The following PCDH11X variants were observed in gnomAD, a reference collection of about 807,000 sequenced individuals.
PCDH11X encodes protocadherin 11 X-linked, also known as protocadherin-11 X-linked.
Under a neutral mutation model 53.3 loss-of-function variants are expected in PCDH11X, and 18 were observed. The observed-to-expected ratio is 0.34, with a 90% CI of 0.23 to 0.50. The LOEUF is 0.50. Among genes scored for constraint, PCDH11X ranks in the 20% least tolerant of loss-of-function variants. The probability of loss-of-function intolerance (pLI) is 0.98; values close to 1 mark genes in which losing one functional copy is unlikely to be tolerated. For missense variants in PCDH11X, 570 were observed against 1,032.4 expected, an observed-to-expected ratio of 0.55 and a Z score of 6.14; for synonymous variants, 279 against 393.3, an observed-to-expected ratio of 0.71 and a Z score of 3.44.
At chrX:92,353,972 A>G (rs1307397163) in intron 8 of PCDH11X, among the ~76,000 whole-genome samples, 28 of 91,076 alleles carry the variant, frequency 3.1e-4, no homozygotes, top group Admixed American at 1.7e-3. Context: ...TCTCTACTGT[A>G]TATGATTCAT....
At chrX:91,952,754 C>T (rs964001180) in intron 6 of PCDH11X, among the ~76,000 whole-genome samples, 3 of 111,744 alleles carry the variant, frequency 2.7e-5, no homozygotes, top group African/African-American at 9.8e-5. Flanking sequence ...TTTGTTGCAG[C>T]ATTGTTTACA....
Position 91,983,200 on chromosome X carries a change from G to A in PCDH11X, c.3033+103927G>A, listed in dbSNP as rs759810978. ...TTTTTCCCCCAGTCTTAGGTAAGAA[G>A]GATGAATCGAAGGTCAGCTTCAGTC... On this transcript the variant is annotated intron_variant, in intron 6 of 10. Coordinates refer to ENST00000682573, the MANE Select transcript of PCDH11X (RefSeq NM_032968.5). The A allele has an allele frequency of 1.1e-4, 89 of 832,271 alleles. No homozygotes were observed. In the African/African-American group the frequency reaches 1.6e-3, roughly 15 times the overall value. The allele number at this position is 832,271 out of a possible 1,213,427, so 68.6% of individuals were successfully genotyped here.
intron 7 of PCDH11X, among the ~76,000 whole-genome samples, chrX:92,250,793 G>A (rs2067445925): frequency 9.2e-6 from 1 of 109,182 alleles, no homozygotes; most frequent in African/African-American, 3.3e-5. Flanking sequence ...TGCAGAACAG[G>A]GTAATTTATA....
chrX:92,597,290 G>T (rs1483078692), intron 10 of PCDH11X, among the ~76,000 whole-genome samples: 3 of 100,175 alleles, frequency 3.0e-5, no homozygotes, highest in Non-Finnish European at 6.0e-5. Context: ...ACTAAAGAGT[G>T]CAAAAAAACC....
chrX:92,383,089 T>A (rs2070920037), intron 8 of PCDH11X, among the ~76,000 whole-genome samples: 1 of 108,864 alleles, frequency 9.2e-6, no homozygotes, highest in African/African-American at 3.3e-5. Context: ...ATAAGTACAG[T>A]TTTATTGGAA....
intron 5 of PCDH11X, among the ~76,000 whole-genome samples, chrX:91,875,336 G>T (rs1487836015): frequency 1.0e-5 from 1 of 97,813 alleles, no homozygotes; most frequent in Non-Finnish European, 2.0e-5. Context: ...AGGCTGGAGT[G>T]CAGTGGCGCC....
chrX:92,197,374 T>C (rs1286765680), intron 6 of PCDH11X, among the ~76,000 whole-genome samples: 1 of 111,723 alleles, frequency 9.0e-6, no homozygotes, highest in African/African-American at 3.2e-5. Context: ...CCTGTAACAT[T>C]ATAAAAATTA....
chrX:92,405,788 T>G, intron 9 of PCDH11X, among the ~76,000 whole-genome samples: 1 of 110,409 alleles, frequency 9.1e-6, no homozygotes, highest in South Asian at 3.9e-4. Flanking sequence ...TTACAACAGA[T>G]AATTTCTGTT....
intron 7 of PCDH11X, among the ~76,000 whole-genome samples, chrX:92,227,294 A>AT (rs1398544024): frequency 2.0e-4 from 22 of 108,855 alleles, no homozygotes; most frequent in South Asian, 7.8e-4. Flanking sequence ...TCTGTTTTCT[A>AT]TTTTTTTTTC....
chrX:91,848,027 C>T (rs1193793822), intron 5 of PCDH11X, among the ~76,000 whole-genome samples: 1 of 111,132 alleles, frequency 9.0e-6, no homozygotes, highest in Non-Finnish European at 1.9e-5. Flanking sequence ...CAATGTGTGA[C>T]CGAGTTTCTC....
chrX:92,079,535 C>A (rs1374698545), intron 6 of PCDH11X, among the ~76,000 whole-genome samples: 1 of 109,649 alleles, frequency 9.1e-6, no homozygotes. Flanking sequence ...TGTCCTCAGG[C>A]AAGTCACTTA....
In PCDH11X at chrX:92,232,366, A is replaced by G. The variant is rs755543307; in HGVS notation, c.3115-30748A>G. 4.5e-5 allele frequency among the ~76,000 whole-genome samples: 5 copies of G among 111,947 alleles called. No homozygotes were observed. In the South Asian group the frequency reaches 1.9e-3, roughly 42 times the overall value. On this transcript the variant is annotated intron_variant, in intron 7 of 10. Coordinates refer to ENST00000682573, the MANE Select transcript of PCDH11X (RefSeq NM_032968.5). ...ACTAGAGTATATTGTCATGTACTAT[A>G]GTGAACCACTAGATGGTGCACTCTG...
At chrX:92,319,482 G>A (rs779121425) in intron 8 of PCDH11X, among the ~76,000 whole-genome samples, 11 of 111,807 alleles carry the variant, frequency 9.8e-5, no homozygotes, top group Non-Finnish European at 1.9e-4. Flanking sequence ...ATGAGACCAC[G>A]GCCGTAGAAT....
chrX:92,258,206 G>A (rs1336912719), intron 7 of PCDH11X, among the ~76,000 whole-genome samples: 2 of 110,821 alleles, frequency 1.8e-5, no homozygotes, highest in African/African-American at 6.6e-5. Context: ...GCTGTGCAGT[G>A]CAGCAGGGTC....
intron 6 of PCDH11X, among the ~76,000 whole-genome samples, chrX:91,997,778 G>T (rs1238778255): frequency 9.0e-6 from 1 of 111,349 alleles, no homozygotes; most frequent in Non-Finnish European, 1.9e-5. Context: ...AAAAGAGTTT[G>T]TGAGGGATTG....
intron 6 of PCDH11X, among the ~76,000 whole-genome samples, chrX:91,946,248 C>T: frequency 9.3e-6 from 1 of 107,988 alleles, no homozygotes; most frequent in Middle Eastern, 4.8e-3. Flanking sequence ...TGGAAGTGCA[C>T]ATTTATTTTG....
At position 92,558,040 on chromosome X, in the gene PCDH11X, C is replaced by T. The variant is rs180928732; in HGVS notation, c.3368-60224C>T. Among the ~76,000 whole-genome samples the T allele has an allele frequency of 1.1e-3, 120 of 111,342 alleles. 1 individual carries two copies. Among genetic ancestry groups the T allele is most frequent in the Non-Finnish European group, 2.0e-3 (107 of 53,160 alleles). On this transcript the variant is annotated intron_variant, in intron 10 of 10. Transcript: ENST00000682573. ...TTGTGAGAACTCACTAACATGAGAA[C>T]AGCATGGGGATAACCACCCTCATGA...
At chrX:92,319,398 T>C (rs1368302969) in intron 8 of PCDH11X, among the ~76,000 whole-genome samples, 1 of 112,540 alleles carries the variant, frequency 8.9e-6, no homozygotes, top group African/African-American at 3.2e-5. Context: ...GTTTTAGACA[T>C]TCAGTAAGAG....
At chrX:92,312,069 T>C (rs751323966) in intron 8 of PCDH11X, among the ~76,000 whole-genome samples, 1 of 111,764 alleles carries the variant, frequency 8.9e-6, no homozygotes, top group African/African-American at 3.2e-5. Flanking sequence ...ACACTGTTGG[T>C]TTAAAATTAT....
Sources: gnomAD v4.1 joint callset for allele counts (sites outside exome capture counted in the v4.1 genomes callset) on GRCh38, gnomAD v4.1.1 for gene constraint, MANE v1.5 for transcripts, NCBI Gene and HGNC (gene_info 2026-07-23, HGNC 2026-07-21) for gene names.